Variants in CNTN5 observed in about 807,000 individuals in gnomAD.
CNTN5 encodes contactin 5.
Under a neutral mutation model 129.1 loss-of-function variants are expected in CNTN5, and 77 were observed. That is an observed-to-expected ratio of 0.60 (90% CI 0.50 to 0.72). The LOEUF (loss-of-function observed/expected upper bound fraction) is 0.72, where lower values mean the gene tolerates loss of function less well. Ranked by LOEUF, CNTN5 falls within the 30% of genes least tolerant of loss-of-function variation. The pLI is 0.00. For missense variants in CNTN5, 1,478 were observed against 1,328.8 expected (o/e 1.11, Z -1.75); for synonymous variants, 509 against 465.6 (o/e 1.09, Z -1.20).
At chr11:99,250,350 G>T (rs569925798) in intron 1 of CNTN5, among the ~76,000 whole-genome samples, 1 of 151,986 alleles carries the variant, frequency 6.6e-6, no homozygotes, top group East Asian at 1.9e-4. Flanking sequence ...ATTGAGTGTT[G>T]ATTAATGTCT....
At chr11:99,591,462 C>G (rs545051754) in intron 3 of CNTN5, among the ~76,000 whole-genome samples, 1 of 151,518 alleles carries the variant, frequency 6.6e-6, no homozygotes, top group Non-Finnish European at 1.5e-5. Context: ...CTCAGCCTCC[C>G]GAGTAGCTGA....
intron 8 of CNTN5, among the ~76,000 whole-genome samples, chr11:99,998,293 C>T (rs1357012450): frequency 6.6e-6 from 1 of 151,860 alleles, no homozygotes; most frequent in Non-Finnish European, 1.5e-5. Flanking sequence ...AGCTGATAAG[C>T]AACTTCAGCA....
At chr11:100,091,326 C>A (rs1944773375) in intron 13 of CNTN5, among the ~76,000 whole-genome samples, 1 of 151,866 alleles carries the variant, frequency 6.6e-6, no homozygotes, top group Admixed American at 6.6e-5. Context: ...GAAATTATTA[C>A]CCCTATCCTT....
chr11:100,266,773 G>A (rs1950311823), intron 17 of CNTN5, among the ~76,000 whole-genome samples: 1 of 151,490 alleles, frequency 6.6e-6, no homozygotes, highest in Non-Finnish European at 1.5e-5. Context: ...ATTTTTATAT[G>A]TATTTTACAT....
intron 3 of CNTN5, among the ~76,000 whole-genome samples, chr11:99,574,612 T>C (rs983707636): frequency 2.0e-5 from 3 of 152,172 alleles, no homozygotes; most frequent in Admixed American, 2.0e-4. Flanking sequence ...TGACTGGCAT[T>C]AGATAGTATC....
chr11:99,657,601 C>A (rs751005882), intron 3 of CNTN5, among the ~76,000 whole-genome samples: 6 of 151,982 alleles, frequency 3.9e-5, no homozygotes, highest in Admixed American at 3.9e-4. Context: ...AGGAAGGTTT[C>A]GCTTTTGTTT....
chr11:100,146,906 T>C (rs1424270973), intron 13 of CNTN5, among the ~76,000 whole-genome samples: 2 of 152,120 alleles, frequency 1.3e-5, no homozygotes, highest in South Asian at 2.1e-4. Flanking sequence ...CAAAATAAAA[T>C]AAAAGATACA....
chr11:99,157,035 C>T (rs1289157508), intron 1 of CNTN5, among the ~76,000 whole-genome samples: 2 of 151,800 alleles, frequency 1.3e-5, no homozygotes, highest in East Asian at 1.9e-4. Flanking sequence ...AATAATAAAA[C>T]CTTGCATGCA....
chr11:99,672,528 G>A (rs774159938), intron 3 of CNTN5, among the ~76,000 whole-genome samples: 1 of 151,532 alleles, frequency 6.6e-6, no homozygotes, highest in Non-Finnish European at 1.5e-5. Context: ...AGCTGTCCAA[G>A]CAAATTCTTA....
At chr11:99,315,801 T>C (rs1383642092) in intron 1 of CNTN5, among the ~76,000 whole-genome samples, 1 of 149,136 alleles carries the variant, frequency 6.7e-6, no homozygotes, top group Admixed American at 6.7e-5. Context: ...GGATTGAATA[T>C]ATATTGCAAG....
chr11:99,029,984 C>A lies in CNTN5; in HGVS notation c.-210+8714C>A, dbSNP rs191046276. Among the ~76,000 whole-genome samples the A allele has an allele frequency of 1.7e-3, 257 of 152,156 alleles. 2 individuals are homozygous for A. Among genetic ancestry groups the A allele is most frequent in the African/African-American group, 6.0e-3 (247 of 41,512 alleles). Reference sequence around the variant, plus strand: ...GAGAAGAATGGAATGAAATGAAAATCTAGGGATTGACAACTGCATCTAGAA... The same window carrying A: ...GAGAAGAATGGAATGAAATGAAAATATAGGGATTGACAACTGCATCTAGAA... On this transcript the variant is annotated intron_variant, in intron 1 of 24. Coordinates refer to ENST00000524871, the MANE Select transcript of CNTN5 (RefSeq NM_014361.4).
chr11:99,226,025 GTCA>G (rs1860665311), intron 1 of CNTN5, among the ~76,000 whole-genome samples: 2 of 152,126 alleles, frequency 1.3e-5, no homozygotes, highest in Non-Finnish European at 2.9e-5. Flanking sequence ...ATCATTTGAA[GTCA>G]TCGTACAAAT....
Position 99,215,031 on chromosome 11 carries a change from G to GA in CNTN5, c.-209-110305dup, listed in dbSNP as rs368225320. The stretch of plus-strand genomic sequence containing the variant: ...CATATCATGAAGTGCCTTTAAAAAA[G>GA]AAAAAAAAAATGAAGATAATGGGTT... On this transcript the variant is annotated intron_variant, in intron 1 of 24. Coordinates refer to ENST00000524871, the MANE Select transcript of CNTN5 (RefSeq NM_014361.4). Among the ~76,000 whole-genome samples the GA allele has an allele frequency of 7.8e-3, 1,147 of 146,510 alleles. 13 individuals carry two copies. Among genetic ancestry groups the GA allele is most frequent in the African/African-American group, 0.026 (1,035 of 40,050 alleles).
At chr11:100,140,785 A>T (rs184344793) in intron 13 of CNTN5, among the ~76,000 whole-genome samples, 104 of 152,296 alleles carry the variant, frequency 6.8e-4, no homozygotes, top group African/African-American at 2.4e-3. Flanking sequence ...TTTTCAAGGA[A>T]TGAAAGTGAT....
At chr11:100,011,694 A>G (rs1940542932) in intron 9 of CNTN5, among the ~76,000 whole-genome samples, 1 of 152,160 alleles carries the variant, frequency 6.6e-6, no homozygotes, top group African/African-American at 2.4e-5. Flanking sequence ...ACACTCCATC[A>G]AATGCCTATT....
chr11:99,954,527 C>G (rs1490171343), intron 7 of CNTN5, among the ~76,000 whole-genome samples: 2 of 152,138 alleles, frequency 1.3e-5, no homozygotes, highest in Non-Finnish European at 2.9e-5. Context: ...GTGTATGAAG[C>G]TAAAGGCTGT....
intron 3 of CNTN5, among the ~76,000 whole-genome samples, chr11:99,653,072 G>A (rs1952219967): frequency 6.6e-6 from 1 of 151,962 alleles, no homozygotes; most frequent in Non-Finnish European, 1.5e-5. Flanking sequence ...CATCAAATCT[G>A]AATTCACTGG....
chr11:99,193,744 T>C (rs1858760941), intron 1 of CNTN5, among the ~76,000 whole-genome samples: 1 of 152,058 alleles, frequency 6.6e-6, no homozygotes, highest in Non-Finnish European at 1.5e-5. Context: ...CAGATATAAA[T>C]ACAAATTTAA....
At chr11:100,297,777 A>C in intron 19 of CNTN5, 82 bp downstream of exon 19, 1 of 1,061,232 alleles carries the variant, frequency 9.4e-7, no homozygotes, top group Non-Finnish European at 1.4e-6. Flanking sequence ...ATGATTAAGC[A>C]GTCCACTTGA....
Sources: allele counts gnomAD v4.1 joint callset (sites outside exome capture counted in the v4.1 genomes callset), GRCh38; gene constraint gnomAD v4.1.1; transcripts MANE v1.5; gene names NCBI Gene and HGNC (gene_info 2026-07-23, HGNC 2026-07-21).